Variants in TMEFF2 observed in about 807,000 individuals in gnomAD.
The protein encoded by TMEFF2 is transmembrane protein with EGF like and two follistatin like domains 2, also known as tomoregulin-2.
TMEFF2 carries 28 observed loss-of-function variants against 53.8 expected under a neutral mutation model. The ratio of observed to expected loss-of-function variants is 0.52; its 90% confidence interval spans 0.39 to 0.71. The LOEUF (loss-of-function observed/expected upper bound fraction) is 0.71, where lower values mean the gene tolerates loss of function less well. Ranked by LOEUF, TMEFF2 falls within the 30% of genes least tolerant of loss-of-function variation. TMEFF2 has a pLI of 0.00. For missense variants in TMEFF2, 353 were observed against 455.2 expected, an observed-to-expected ratio of 0.78 and a Z score of 2.04; for synonymous variants, 162 against 166.3, an observed-to-expected ratio of 0.97 and a Z score of 0.20.
intron 4 of TMEFF2, among the ~76,000 whole-genome samples, chr2:192,170,478 C>T (rs950392243): frequency 4.6e-5 from 7 of 152,076 alleles, no homozygotes; most frequent in Admixed American, 3.9e-4. Context: ...ACTGATTCCA[C>T]TAATATGTTC....
intron 4 of TMEFF2, among the ~76,000 whole-genome samples, chr2:192,125,664 A>G (rs1189004159): frequency 6.6e-6 from 1 of 152,252 alleles, no homozygotes; most frequent in Non-Finnish European, 1.5e-5. Flanking sequence ...AATGTGGTAC[A>G]TAAGCACCAT....
chr2:191,961,927 T>C (rs1692285865), intron 7 of TMEFF2, among the ~76,000 whole-genome samples: 1 of 152,136 alleles, frequency 6.6e-6, no homozygotes, highest in African/African-American at 2.4e-5. Flanking sequence ...GAGAAGAGTC[T>C]CTCCTTTTTA....
chr2:192,140,324 C>G (rs750107027), intron 4 of TMEFF2, among the ~76,000 whole-genome samples: 50 of 152,122 alleles, frequency 3.3e-4, no homozygotes, highest in African/African-American at 5.1e-4. Flanking sequence ...CCTTATGGTG[C>G]CTGGCAGATA....
At chr2:192,023,184 C>T (rs192879403) in intron 5 of TMEFF2, among the ~76,000 whole-genome samples, 23 of 152,234 alleles carry the variant, frequency 1.5e-4, no homozygotes, top group African/African-American at 4.6e-4. Flanking sequence ...AGTTCAAAGC[C>T]GAGTGCCTAG....
At chr2:192,171,035 A>G (rs1690899992) in intron 4 of TMEFF2, among the ~76,000 whole-genome samples, 1 of 152,242 alleles carries the variant, frequency 6.6e-6, no homozygotes, top group Non-Finnish European at 1.5e-5. Context: ...TTTCAAATCC[A>G]AATTTGAAAC....
chr2:192,172,242 T>C (rs945732682), intron 4 of TMEFF2, among the ~76,000 whole-genome samples: 6 of 151,542 alleles, frequency 4.0e-5, no homozygotes, highest in Non-Finnish European at 8.8e-5. Context: ...AAATTCACCC[T>C]CTTCCCAATC....
intron 4 of TMEFF2, among the ~76,000 whole-genome samples, chr2:192,058,251 TG>T (rs1488600206): frequency 6.6e-6 from 1 of 152,174 alleles, no homozygotes; most frequent in Non-Finnish European, 1.5e-5. Context: ...TATTAGATAA[TG>T]CCCCCATTTT....
In TMEFF2 at chr2:192,179,708, A is replaced by G; in HGVS notation, c.413-14T>C. The G allele has an allele frequency of 2.0e-6, 3 of 1,515,538 alleles. No individual in the cohort carries two copies. Among genetic ancestry groups the G allele is most frequent in the African/African-American group, 1.4e-5 (1 of 69,024 alleles). The allele number at this position is 1,515,538 out of a possible 1,614,324, so 93.9% of individuals were successfully genotyped here. A position where few individuals can be genotyped will look rare whatever the true frequency, so the allele number is the denominator to read the frequency against. ...CTGATCCTGCATCTGTGGGGGGAAA[A>G]GTTATATTTGCTAGTAAAACATATT... is the stretch of plus-strand genomic sequence containing the variant. On this transcript the variant is annotated splice_polypyrimidine_tract_variant and intron_variant, in intron 3 of 9. Coordinates refer to ENST00000272771, the MANE Select transcript of TMEFF2 (RefSeq NM_016192.4).
chr2:191,957,003 G>A (rs549708805), intron 7 of TMEFF2, among the ~76,000 whole-genome samples: 3 of 152,252 alleles, frequency 2.0e-5, no homozygotes, highest in African/African-American at 7.2e-5. Context: ...TATTCACATA[G>A]TATACACTGA....
At chr2:192,051,289 G>A (rs113433545) in intron 5 of TMEFF2, among the ~76,000 whole-genome samples, 2 of 148,364 alleles carry the variant, frequency 1.3e-5, no homozygotes, top group African/African-American at 5.0e-5. Context: ...CCTAAAATTG[G>A]TTACCAGTTA....
chr2:192,185,462 T>G (rs949918758), intron 2 of TMEFF2, among the ~76,000 whole-genome samples: 5 of 152,208 alleles, frequency 3.3e-5, no homozygotes, highest in African/African-American at 1.2e-4. Flanking sequence ...AGGAAAATCA[T>G]ACTTACAGAT....
intron 4 of TMEFF2, among the ~76,000 whole-genome samples, chr2:192,174,727 T>C (rs1479408276): frequency 6.6e-6 from 1 of 151,650 alleles, no homozygotes; most frequent in African/African-American, 2.4e-5. Context: ...ATTTCTTTAT[T>C]AAATCAGTAT....
At chr2:191,951,428 A>ATTTTTTCTTT (rs1691877578) in intron 9 of TMEFF2, among the ~76,000 whole-genome samples, 1 of 137,328 alleles carries the variant, frequency 7.3e-6, no homozygotes, top group African/African-American at 2.6e-5. Context: ...AAGAGAAAAG[A>ATTTTTTCTTT]TTTTTTTAAA....
At chr2:192,172,253 T>G (rs1397468830) in intron 4 of TMEFF2, among the ~76,000 whole-genome samples, 1 of 150,932 alleles carries the variant, frequency 6.6e-6, no homozygotes, top group Non-Finnish European at 1.5e-5. Context: ...CTTCCCAATC[T>G]TACTTTCTTC....
intron 4 of TMEFF2, among the ~76,000 whole-genome samples, chr2:192,103,617 A>T (rs1466273538): frequency 6.6e-6 from 1 of 152,076 alleles, no homozygotes; most frequent in East Asian, 1.9e-4. Flanking sequence ...GTAAGCTTAC[A>T]GGAAGGTAGT....
chr2:191,994,091 T>G (rs940161757), intron 7 of TMEFF2, among the ~76,000 whole-genome samples: 4 of 152,040 alleles, frequency 2.6e-5, no homozygotes, highest in African/African-American at 9.7e-5. Context: ...TTGAATGAAT[T>G]GATTCAACCA....
intron 5 of TMEFF2, among the ~76,000 whole-genome samples, chr2:192,054,466 TGG>T (rs911087978): frequency 5.9e-5 from 9 of 152,184 alleles, no homozygotes; most frequent in Non-Finnish European, 2.9e-5. Flanking sequence ...TTGCCATGGC[TGG>T]GCCCTGTAGA....
chr2:192,001,854 T>C (rs767701493), intron 5 of TMEFF2, among the ~76,000 whole-genome samples: 1 of 152,174 alleles, frequency 6.6e-6, no homozygotes, highest in Admixed American at 6.6e-5. Context: ...CTTGGGTATG[T>C]CTTTATCAGT....
chr2:191,989,517 C>G (rs1686054188), intron 7 of TMEFF2, among the ~76,000 whole-genome samples: 1 of 152,128 alleles, frequency 6.6e-6, no homozygotes, highest in South Asian at 2.1e-4. Flanking sequence ...ACCAAGTAAC[C>G]TCAGTATAAC....
Sources: allele counts gnomAD v4.1 joint callset (sites outside exome capture counted in the v4.1 genomes callset), GRCh38; gene constraint gnomAD v4.1.1; transcripts MANE v1.5; gene names NCBI Gene and HGNC (gene_info 2026-07-23, HGNC 2026-07-21).